GALNTL6: variants seen among roughly 807,000 people sequenced by gnomAD.
The protein encoded by GALNTL6 is polypeptide N-acetylgalactosaminyltransferase-like 6.
GALNTL6 carries 46 observed loss-of-function variants against 73.7 expected under a neutral mutation model. The ratio of observed to expected loss-of-function variants is 0.62; its 90% CI spans 0.49 to 0.80. The LOEUF is 0.80. Ranked by LOEUF, GALNTL6 falls within the 30% of genes least tolerant of loss-of-function variation. The probability of loss-of-function intolerance (pLI) is 0.00; values close to 1 mark genes in which losing one functional copy is unlikely to be tolerated. For synonymous variants in GALNTL6, 259 were observed against 263.7 expected, an observed-to-expected ratio of 0.98 and a Z score of 0.17; for missense variants, 604 against 755.0, an observed-to-expected ratio of 0.80 and a Z score of 2.34.
intron 2 of GALNTL6, among the ~76,000 whole-genome samples, chr4:171,917,754 A>C (rs545539990): frequency 6.6e-6 from 1 of 152,272 alleles, no homozygotes; most frequent in Admixed American, 6.5e-5. Flanking sequence ...CTTACAAATT[A>C]TAATCAGAAG....
chr4:171,828,749 A>G (rs1381133969), intron 2 of GALNTL6, among the ~76,000 whole-genome samples: 1 of 152,028 alleles, frequency 6.6e-6, no homozygotes, highest in African/African-American at 2.4e-5. Context: ...CAGCCTCCCA[A>G]GTAGCTGGGA....
intron 5 of GALNTL6, among the ~76,000 whole-genome samples, chr4:172,598,096 C>A (rs1737929859): frequency 6.6e-6 from 1 of 152,060 alleles, no homozygotes; most frequent in Non-Finnish European, 1.5e-5. Flanking sequence ...ATTCCCTGGT[C>A]TTATTGCATG....
chr4:173,041,220 T>A lies in GALNTL6; in HGVS notation c.*1120T>A, dbSNP rs1753876216. 1 of 151,580 alleles carries A rather than the reference T, an allele frequency of 6.6e-6. No homozygotes were observed. Among genetic ancestry groups the A allele is most frequent in the Admixed American group, 6.6e-5 (1 of 15,220 alleles). The allele number at this position is 151,580 out of a possible 1,614,324, so 9.4% of individuals were successfully genotyped here. A position where few individuals can be genotyped will look rare whatever the true frequency, so the allele number is the denominator to read the frequency against. On this transcript the variant is annotated 3_prime_UTR_variant, in exon 13 of 13. Transcript: ENST00000506823. Reference sequence around the variant, plus strand: ...TTTTTCTTGTTTTTTTTTTGTAGTGTTGAATTAATGATGTTCTTTTATTTG... The same window carrying A: ...TTTTTCTTGTTTTTTTTTTGTAGTGATGAATTAATGATGTTCTTTTATTTG...
chr4:172,270,287 T>C (rs1738599058), intron 3 of GALNTL6, among the ~76,000 whole-genome samples: 1 of 152,100 alleles, frequency 6.6e-6, no homozygotes, highest in African/African-American at 2.4e-5. Context: ...GTTTTTTTCA[T>C]TCAGTAATAT....
intron 7 of GALNTL6, among the ~76,000 whole-genome samples, chr4:172,871,233 G>C (rs1017811816): frequency 6.6e-6 from 1 of 152,072 alleles, no homozygotes; most frequent in Non-Finnish European, 1.5e-5. Flanking sequence ...AGATAATAAA[G>C]ATGAAAATAA....
intron 2 of GALNTL6, among the ~76,000 whole-genome samples, chr4:172,156,571 A>AGTAT (rs751638637): frequency 1.4e-5 from 1 of 70,964 alleles, no homozygotes; most frequent in African/African-American, 6.3e-5. Flanking sequence ...ATATATACAT[A>AGTAT]CTATATATAT....
intron 2 of GALNTL6, among the ~76,000 whole-genome samples, chr4:171,979,403 C>T (rs1739823287): frequency 6.6e-6 from 1 of 152,046 alleles, no homozygotes; most frequent in Non-Finnish European, 1.5e-5. Flanking sequence ...GAAAAAATAT[C>T]GACACAACCC....
chr4:172,340,683 G>A (rs1425471458), intron 4 of GALNTL6, among the ~76,000 whole-genome samples: 3 of 152,216 alleles, frequency 2.0e-5, no homozygotes, highest in African/African-American at 7.2e-5. Flanking sequence ...TTTAAGCTAA[G>A]TTGGATCAGA....
intron 8 of GALNTL6, among the ~76,000 whole-genome samples, chr4:172,906,403 AG>A (rs1226099117): frequency 6.6e-6 from 1 of 152,212 alleles, no homozygotes; most frequent in Non-Finnish European, 1.5e-5. Context: ...ACCTTCAAAA[AG>A]AAAACACCTG....
chr4:172,735,683 CT>C (rs1736419077), intron 5 of GALNTL6, among the ~76,000 whole-genome samples: 1 of 152,128 alleles, frequency 6.6e-6, no homozygotes, highest in Admixed American at 6.5e-5. Context: ...CAAATCTCAT[CT>C]TGAATTGTAG....
chr4:172,788,778 A>G (rs372958134), intron 5 of GALNTL6, among the ~76,000 whole-genome samples: 19 of 152,090 alleles, frequency 1.2e-4, no homozygotes, highest in East Asian at 9.6e-4. Context: ...AAGGTTACAG[A>G]GAAGCCAACA....
chr4:172,752,732 T>C (rs1384657959), intron 5 of GALNTL6, among the ~76,000 whole-genome samples: 1 of 152,156 alleles, frequency 6.6e-6, no homozygotes, highest in Non-Finnish European at 1.5e-5. Context: ...TATTGCATAA[T>C]TTACTTTTGA....
chr4:171,987,863 G>A (rs112665140), intron 2 of GALNTL6, among the ~76,000 whole-genome samples: 4 of 152,282 alleles, frequency 2.6e-5, no homozygotes, highest in African/African-American at 9.6e-5. Flanking sequence ...GCATCAGAGA[G>A]ATACAGTCAT....
At chr4:172,921,489 A>G (rs888495469) in intron 8 of GALNTL6, among the ~76,000 whole-genome samples, 5 of 152,196 alleles carry the variant, frequency 3.3e-5, no homozygotes, top group Non-Finnish European at 7.3e-5. Flanking sequence ...TTTGAACTGC[A>G]TTATGACAAA....
At chr4:172,810,883 GC>G (rs1560968384) in intron 6 of GALNTL6, among the ~76,000 whole-genome samples, 2 of 152,046 alleles carry the variant, frequency 1.3e-5, no homozygotes, top group Non-Finnish European at 2.9e-5. Context: ...AAGGAAGTCA[GC>G]AAAAGGCCTA....
At chr4:171,860,817 G>A (rs960498691) in intron 2 of GALNTL6, among the ~76,000 whole-genome samples, 7 of 152,042 alleles carry the variant, frequency 4.6e-5, no homozygotes, top group African/African-American at 1.7e-4. Context: ...AGTCATTTTT[G>A]CCTTAAAGTG....
At chr4:172,248,440 G>A (rs1440153326) in intron 3 of GALNTL6, among the ~76,000 whole-genome samples, 3 of 151,944 alleles carry the variant, frequency 2.0e-5, no homozygotes, top group Non-Finnish European at 2.9e-5. Context: ...GTGTCCCTAG[G>A]CAAAAAAGAC....
At chr4:171,993,712 G>A (rs1370512413) in intron 2 of GALNTL6, among the ~76,000 whole-genome samples, 1 of 151,840 alleles carries the variant, frequency 6.6e-6, no homozygotes, top group Non-Finnish European at 1.5e-5. Flanking sequence ...TATTATGAAA[G>A]AAAAGTTAAT....
chr4:173,022,563 G>C (rs1043086518), intron 12 of GALNTL6, among the ~76,000 whole-genome samples: 9 of 152,270 alleles, frequency 5.9e-5, no homozygotes, highest in African/African-American at 2.2e-4. Flanking sequence ...AGGCTCACTT[G>C]CTTGGGACCT....
Sources: allele counts gnomAD v4.1 joint callset (sites outside exome capture counted in the v4.1 genomes callset), GRCh38; gene constraint gnomAD v4.1.1; transcripts MANE v1.5; gene names NCBI Gene and HGNC (gene_info 2026-07-23, HGNC 2026-07-21).